SLC8A1: variants seen among roughly 807,000 people sequenced by gnomAD.
SLC8A1 encodes solute carrier family 8 member A1.
SLC8A1 carries 18 observed loss-of-function variants against 68.3 expected under a neutral mutation model. That is an observed-to-expected ratio of 0.26 (90% CI 0.18 to 0.39). SLC8A1 has a LOEUF of 0.39. SLC8A1 is among the 10% of genes least tolerant of loss of function. The pLI is 1.00. For missense variants in SLC8A1, 985 were observed against 1,156.7 expected, an observed-to-expected ratio of 0.85 and a Z score of 2.15; for synonymous variants, 475 against 415.5, an observed-to-expected ratio of 1.14 and a Z score of -1.74.
chr2:40,400,967 C>T (rs1182256294), intron 2 of SLC8A1, among the ~76,000 whole-genome samples: 2 of 152,168 alleles, frequency 1.3e-5, no homozygotes, highest in East Asian at 1.9e-4. Flanking sequence ...AAGGAAGCCA[C>T]ACAGAATTTT....
chr2:40,328,974 A>G (rs1198343241), intron 2 of SLC8A1, among the ~76,000 whole-genome samples: 2 of 151,588 alleles, frequency 1.3e-5, no homozygotes, highest in South Asian at 2.1e-4. Context: ...GCAAAGCCCA[A>G]TCCAGACACA....
At chr2:40,156,116 G>A (rs2044420654) in intron 6 of SLC8A1, among the ~76,000 whole-genome samples, 1 of 152,200 alleles carries the variant, frequency 6.6e-6, no homozygotes, top group Non-Finnish European at 1.5e-5. Flanking sequence ...GCAAGCCAGA[G>A]GATGGGCAAG....
At chr2:40,354,298 T>C (rs1285906357) in intron 2 of SLC8A1, among the ~76,000 whole-genome samples, 1 of 152,198 alleles carries the variant, frequency 6.6e-6, no homozygotes, top group Non-Finnish European at 1.5e-5. Flanking sequence ...GGTGATCATA[T>C]GTTTAAGGGC....
chr2:40,122,216 A>ACACACACGTGCGCGCG (rs1158942271), intron 7 of SLC8A1, among the ~76,000 whole-genome samples: 1 of 147,302 alleles, frequency 6.8e-6, no homozygotes, highest in African/African-American at 2.6e-5. Flanking sequence ...GCACACACAC[A>ACACACACGTGCGCGCG]CACACACACG....
intron 2 of SLC8A1, among the ~76,000 whole-genome samples, chr2:40,316,429 C>T (rs1485384959): frequency 1.3e-5 from 2 of 151,882 alleles, no homozygotes; most frequent in African/African-American, 4.8e-5. Flanking sequence ...ATTTGAACGT[C>T]GTATAGGAAC....
At chr2:40,230,668 AT>A (rs1351322359) in intron 2 of SLC8A1, among the ~76,000 whole-genome samples, 1 of 152,208 alleles carries the variant, frequency 6.6e-6, no homozygotes, top group Non-Finnish European at 1.5e-5. Flanking sequence ...ATTAATGAAC[AT>A]ATATGGATAT....
intron 2 of SLC8A1, among the ~76,000 whole-genome samples, chr2:40,284,400 CATA>C (rs1447657205): frequency 6.8e-6 from 1 of 145,990 alleles, no homozygotes; most frequent in African/African-American, 2.5e-5. Context: ...TATACATACA[CATA>C]TATTTATATA....
chr2:40,344,748 AG>A (rs1294520070), intron 2 of SLC8A1, among the ~76,000 whole-genome samples: 1 of 152,158 alleles, frequency 6.6e-6, no homozygotes, highest in Non-Finnish European at 1.5e-5. Context: ...CAGCCCTCCT[AG>A]GAAAGTCTCA....
At chr2:40,141,580 A>G (rs538318086) in intron 6 of SLC8A1, among the ~76,000 whole-genome samples, 2 of 152,314 alleles carry the variant, frequency 1.3e-5, no homozygotes, top group South Asian at 2.1e-4. Context: ...TTGTGAGTGA[A>G]AAAGCATTGC....
intron 2 of SLC8A1, among the ~76,000 whole-genome samples, chr2:40,408,122 A>G (rs1389951205): frequency 6.6e-6 from 1 of 152,146 alleles, no homozygotes; most frequent in Non-Finnish European, 1.5e-5. Context: ...TTCTTCTACA[A>G]TCTCTAGTTT....
intron 2 of SLC8A1, among the ~76,000 whole-genome samples, chr2:40,393,368 T>C (rs1685921158): frequency 6.6e-6 from 1 of 152,128 alleles, no homozygotes; most frequent in South Asian, 2.1e-4. Context: ...GGTTGCTTTA[T>C]CTGGTAGTAT....
chr2:40,494,270 A>G (rs536665707), intron 1 of SLC8A1, among the ~76,000 whole-genome samples: 2 of 152,232 alleles, frequency 1.3e-5, no homozygotes, highest in Admixed American at 1.3e-4. Flanking sequence ...TGTTTAGTGC[A>G]ATCATTAAAA....
intron 2 of SLC8A1, among the ~76,000 whole-genome samples, chr2:40,290,256 CT>C (rs1221424662): frequency 6.9e-6 from 1 of 145,926 alleles, no homozygotes; most frequent in African/African-American, 2.6e-5. Context: ...ATAACTGCAG[CT>C]GAAAAAAAAA....
rs564665501 is a variant in SLC8A1 at position 40,244,876 on chromosome 2, A to G, written c.1809-67021T>C. Among the ~76,000 whole-genome samples, 8 of 152,272 alleles carry G rather than the reference A, an allele frequency of 5.3e-5. No homozygotes were observed. In the South Asian group the frequency reaches 1.2e-3, roughly 24 times the overall value. On this transcript the variant is annotated intron_variant, in intron 2 of 7. Transcript: ENST00000406785. ...CCCTGCCTGAGACTGTGGGTTTAAC[A>G]AAGAGAAGGAATGTCTGGGGGATAA... is the stretch of plus-strand genomic sequence containing the variant.
chr2:40,413,105 G>A (rs547397469), intron 2 of SLC8A1, among the ~76,000 whole-genome samples: 1 of 152,114 alleles, frequency 6.6e-6, no homozygotes, highest in African/African-American at 2.4e-5. Flanking sequence ...GGAAACAACA[G>A]GTGCTGGAGA....
intron 2 of SLC8A1, among the ~76,000 whole-genome samples, chr2:40,273,979 G>A (rs371670677): frequency 9.9e-5 from 15 of 151,242 alleles, no homozygotes; most frequent in African/African-American, 2.9e-4. Flanking sequence ...GCGGCATGTC[G>A]GTGTTTATGC....
intron 2 of SLC8A1, among the ~76,000 whole-genome samples, chr2:40,289,137 G>A (rs926907861): frequency 1.3e-5 from 2 of 150,910 alleles, no homozygotes; most frequent in Non-Finnish European, 2.9e-5. Flanking sequence ...AAACTTTTAC[G>A]CAATATCATT....
chr2:40,190,935 G>C (rs2051697024), intron 2 of SLC8A1, among the ~76,000 whole-genome samples: 1 of 152,054 alleles, frequency 6.6e-6, no homozygotes, highest in African/African-American at 2.4e-5. Context: ...CTGTGTGTGT[G>C]GGTGTGTGTG....
intron 2 of SLC8A1, among the ~76,000 whole-genome samples, chr2:40,190,234 C>G (rs13384452): frequency 2.0e-5 from 3 of 152,102 alleles, no homozygotes; most frequent in Non-Finnish European, 2.9e-5. Flanking sequence ...CAACTTCAGC[C>G]CTCATCTTCC....
Sources: gnomAD v4.1 joint callset for allele counts (sites outside exome capture counted in the v4.1 genomes callset) on GRCh38, gnomAD v4.1.1 for gene constraint, MANE v1.5 for transcripts, NCBI Gene and HGNC (gene_info 2026-07-23, HGNC 2026-07-21) for gene names.